Variants in CXCL13 observed in about 807,000 individuals in gnomAD.
The protein encoded by CXCL13 is C-X-C motif chemokine ligand 13.
CXCL13 carries 7 observed loss-of-function variants against 12.2 expected under a neutral mutation model. The ratio of observed to expected loss-of-function variants is 0.57; its 90% CI spans 0.33 to 1.07. The LOEUF (loss-of-function observed/expected upper bound fraction) is 1.07, where lower values mean the gene tolerates loss of function less well. Ranked by LOEUF, CXCL13 falls within the 50% of genes least tolerant of loss-of-function variation. The probability of loss-of-function intolerance (pLI) is 0.04; values close to 1 mark genes in which losing one functional copy is unlikely to be tolerated. For missense variants in CXCL13, 113 were observed against 127.4 expected (o/e 0.89, Z 0.55); for synonymous variants, 47 against 42.4 (o/e 1.11, Z -0.42).
chr4:77,584,914 C>T (rs1340174017), intron 1 of CXCL13, among the ~76,000 whole-genome samples: 1 of 152,144 alleles, frequency 6.6e-6, no homozygotes, highest in Non-Finnish European at 1.5e-5. Context: ...TTACCCCAAC[C>T]CTAAGGCCAC....
chr4:77,522,134 G>A (rs940786830), intron 1 of CXCL13, among the ~76,000 whole-genome samples: 1 of 152,178 alleles, frequency 6.6e-6, no homozygotes, highest in Non-Finnish European at 1.5e-5. Flanking sequence ...TTCCAACTAT[G>A]TGGTCAATTT....
At chr4:77,606,879 G>T (rs1727013454) in intron 1 of CXCL13, among the ~76,000 whole-genome samples, 1 of 152,144 alleles carries the variant, frequency 6.6e-6, no homozygotes, top group African/African-American at 2.4e-5. Flanking sequence ...AATGTCTTTG[G>T]CTTAGATTTC....
intron 1 of CXCL13, among the ~76,000 whole-genome samples, chr4:77,533,307 C>T (rs1341085533): frequency 1.3e-5 from 2 of 152,186 alleles, no homozygotes; most frequent in South Asian, 2.1e-4. Flanking sequence ...TACGCCAGAC[C>T]CTGTTTGCCT....
intron 1 of CXCL13, among the ~76,000 whole-genome samples, chr4:77,541,373 T>G (rs778943348): frequency 2.6e-5 from 4 of 152,138 alleles, no homozygotes; most frequent in Non-Finnish European, 5.9e-5. Context: ...CTTCCAGGAT[T>G]CTTAATTTGG....
chr4:77,512,846 G>T (rs1375294660), intron 1 of CXCL13, among the ~76,000 whole-genome samples: 1 of 151,966 alleles, frequency 6.6e-6, no homozygotes, highest in African/African-American at 2.4e-5. Flanking sequence ...TCATACATAG[G>T]TATACATGTG....
At chr4:77,595,932 T>C (rs1303963618) in intron 1 of CXCL13, among the ~76,000 whole-genome samples, 25 of 152,134 alleles carry the variant, frequency 1.6e-4, no homozygotes, top group Admixed American at 1.6e-3. Flanking sequence ...AGAGATGTGA[T>C]CACATAGAGG....
At chr4:77,532,572 C>A (rs1292217172) in intron 1 of CXCL13, among the ~76,000 whole-genome samples, 1 of 152,110 alleles carries the variant, frequency 6.6e-6, no homozygotes, top group Non-Finnish European at 1.5e-5. Flanking sequence ...CTCCGTATTT[C>A]CTGAATTTGA....
chr4:77,531,823 T>A, intron 1 of CXCL13, among the ~76,000 whole-genome samples: 1 of 152,176 alleles, frequency 6.6e-6, no homozygotes, highest in East Asian at 1.9e-4. Context: ...TCTCTTTTGA[T>A]CTTTGTTGGT....
At chr4:77,519,623 C>T (rs1195226433) in intron 1 of CXCL13, among the ~76,000 whole-genome samples, 1 of 152,130 alleles carries the variant, frequency 6.6e-6, no homozygotes, top group East Asian at 1.9e-4. Context: ...AGCCCTTTGT[C>T]AGATGGGTCA....
intron 1 of CXCL13, among the ~76,000 whole-genome samples, chr4:77,534,270 A>G (rs528899857): frequency 1.5e-3 from 222 of 151,648 alleles, no homozygotes; most frequent in Non-Finnish European, 2.3e-3. Flanking sequence ...CATGAACACT[A>G]TGTTCACACA....
intron 1 of CXCL13, among the ~76,000 whole-genome samples, chr4:77,541,382 G>A (rs1725202988): frequency 6.6e-6 from 1 of 151,616 alleles, no homozygotes; most frequent in Admixed American, 6.6e-5. Context: ...TTCTTAATTT[G>A]GGGTCTTACA....
At chr4:77,602,394 G>T (rs140214378), upstream of CXCL13, among the ~76,000 whole-genome samples, 150 of 152,304 alleles carry the variant, frequency 9.8e-4, 3 homozygotes, top group African/African-American at 3.5e-3. Context: ...TAATTTGAAT[G>T]TGCATAATAT....
intron 2 of CXCL13, 98 bp downstream of exon 2, chr4:77,607,933 TTTAC>T: frequency 8.1e-7 from 1 of 1,230,096 alleles, no homozygotes; most frequent in Non-Finnish European, 1.1e-6. Flanking sequence ...GTCGAAGAGA[TTTAC>T]TTGAGTGTTG....
intron 1 of CXCL13, among the ~76,000 whole-genome samples, chr4:77,523,036 C>T (rs1277260609): frequency 2.6e-5 from 4 of 152,034 alleles, no homozygotes; most frequent in Non-Finnish European, 4.4e-5. Flanking sequence ...GAATATTGGC[C>T]CCCACTCTCT....
chr4:77,561,790 C>T (rs1725821037), intron 1 of CXCL13, among the ~76,000 whole-genome samples: 1 of 152,236 alleles, frequency 6.6e-6, no homozygotes, highest in Non-Finnish European at 1.5e-5. Flanking sequence ...TCTGGCAGCA[C>T]TTGAAGAGCC....
chr4:77,562,084 G>A (rs370177969), intron 1 of CXCL13, among the ~76,000 whole-genome samples: 13 of 152,226 alleles, frequency 8.5e-5, no homozygotes, highest in South Asian at 4.1e-4. Flanking sequence ...GAATTCTCGC[G>A]GGGCCTCAGC....
intron 1 of CXCL13, among the ~76,000 whole-genome samples, chr4:77,540,124 T>C (rs1028573289): frequency 3.3e-5 from 5 of 152,212 alleles, no homozygotes; most frequent in African/African-American, 1.2e-4. Context: ...CTGTTAACTT[T>C]ATGTAATTTA....
chr4:77,605,895 C>A lies in CXCL13; in HGVS notation c.30C>A (p.Leu10=). Residue 10 remains leucine (L), a synonymous_variant, in exon 1 of 4, where the codon CTC becomes CTA. Coordinates refer to ENST00000682537, the MANE Select transcript of CXCL13 (RefSeq NM_001371558.1). MKFISTSLL[L]MLLVSSLSPV... ...AGTTCATCTCGACATCTCTGCTTCT[C>A]ATGCTGCTGGTCAGCAGCCTCTCTC... The A allele has an allele frequency of 6.2e-7, 1 of 1,607,230 alleles. No individual in the cohort carries two copies. Among genetic ancestry groups the A allele is most frequent in the South Asian group, 1.1e-5 (1 of 89,364 alleles).
At chr4:77,610,380 C>G (rs922636359) in intron 2 of CXCL13, among the ~76,000 whole-genome samples, 1 of 152,044 alleles carries the variant, frequency 6.6e-6, no homozygotes, top group African/African-American at 2.4e-5. Flanking sequence ...ACATGTGAGG[C>G]CCTCGCAGCT....
Sources: gnomAD v4.1 joint callset for allele counts (sites outside exome capture counted in the v4.1 genomes callset) on GRCh38, gnomAD v4.1.1 for gene constraint, MANE v1.5 for transcripts, NCBI Gene and HGNC (gene_info 2026-07-23, HGNC 2026-07-21) for gene names.